Variants in PDCD10 observed in about 807,000 individuals in gnomAD.
PDCD10 encodes the protein programmed cell death 10, also known as programmed cell death protein 10.
Under a neutral mutation model 29.2 loss-of-function variants are expected in PDCD10, and 4 were observed. The ratio of observed to expected loss-of-function variants is 0.14; its 90% CI spans 0.07 to 0.31. PDCD10 has a LOEUF of 0.31. Among genes scored for constraint, PDCD10 ranks in the 10% least tolerant of loss-of-function variants. The pLI is 1.00. For synonymous variants in PDCD10, 70 were observed against 82.2 expected, an observed-to-expected ratio of 0.85 and a Z score of 0.80; for missense variants, 183 against 257.9, an observed-to-expected ratio of 0.71 and a Z score of 1.99.
At chr3:167,711,711 G>C (rs924555864) in intron 3 of PDCD10, among the ~76,000 whole-genome samples, 1 of 151,962 alleles carries the variant, frequency 6.6e-6, no homozygotes, top group Non-Finnish European at 1.5e-5. Context: ...AGACTGTGTC[G>C]AGGCATTTAA....
intron 8 of PDCD10, 123 bp from the exon 9 acceptor site, chr3:167,684,512 T>C (rs1719373235): frequency 3.1e-6 from 2 of 642,346 alleles, no homozygotes; most frequent in South Asian, 1.6e-5. Flanking sequence ...GTTAGTATTA[T>C]TAAAACTTTT....
intron 4 of PDCD10, among the ~76,000 whole-genome samples, chr3:167,702,204 C>G (rs565215612): frequency 2.0e-4 from 31 of 152,262 alleles, no homozygotes; most frequent in African/African-American, 7.5e-4. Context: ...GCCTGCCTCT[C>G]TTGCCTCCCC....
chr3:167,701,403 G>A (rs914787256), intron 4 of PDCD10, among the ~76,000 whole-genome samples: 3 of 152,086 alleles, frequency 2.0e-5, no homozygotes, highest in African/African-American at 7.2e-5. Flanking sequence ...TTCCTATGTT[G>A]CCTAGGCTGG....
intron 8 of PDCD10, among the ~76,000 whole-genome samples, chr3:167,685,582 CTGAA>C (rs1719534620): frequency 6.6e-6 from 1 of 151,950 alleles, no homozygotes; most frequent in African/African-American, 2.4e-5. Context: ...TAAAAAGCTG[CTGAA>C]TGGAGAGAAA....
intron 6 of PDCD10, among the ~76,000 whole-genome samples, chr3:167,692,178 GT>G (rs1217699048): frequency 2.6e-5 from 4 of 152,166 alleles, no homozygotes; most frequent in Non-Finnish European, 4.4e-5. Flanking sequence ...AAACAACTAA[GT>G]TTGGGATCAC....
At chr3:167,684,428 A>G (rs1275392009) in intron 8 of PDCD10, 39 bp from the exon 9 acceptor site, 1 of 1,206,008 alleles carries the variant, frequency 8.3e-7, no homozygotes, top group Non-Finnish European at 1.2e-6. Flanking sequence ...ATTTCATCCA[A>G]AAAATTCACC....
chr3:167,701,478 G>T lies in PDCD10; in HGVS notation c.150+3364C>A, dbSNP rs543174412. ...CAAAGTGCTAGGATTACAAGGCATG[G>T]GCCTCCGCACCTAGCCTTTATTATT... is the stretch of plus-strand genomic sequence containing the variant. On this transcript the variant is annotated intron_variant, in intron 4 of 8. Coordinates refer to ENST00000392750, the MANE Select transcript of PDCD10 (RefSeq NM_007217.4). Among the ~76,000 whole-genome samples, 36 of 152,236 alleles carry T rather than the reference G, an allele frequency of 2.4e-4. 1 individual carries two copies. In the South Asian group the frequency reaches 6.8e-3, roughly 29 times the overall value.
chr3:167,704,986 C>T, intron 3 of PDCD10, 91 bp from the exon 4 acceptor site: 1 of 722,420 alleles, frequency 1.4e-6, no homozygotes, highest in Non-Finnish European at 2.4e-6. Flanking sequence ...CACATGAACA[C>T]ATTAAACATT....
chr3:167,701,897 G>T (rs578092719), intron 4 of PDCD10, among the ~76,000 whole-genome samples: 37 of 151,950 alleles, frequency 2.4e-4, no homozygotes, highest in African/African-American at 9.0e-4. Context: ...TGTAGATATG[G>T]TTAAAAAAAA....
chr3:167,701,661 C>T (rs1721452073), intron 4 of PDCD10, among the ~76,000 whole-genome samples: 1 of 152,140 alleles, frequency 6.6e-6, no homozygotes, highest in South Asian at 2.1e-4. Context: ...ACCTTTAAAG[C>T]TCATTATACA....
intron 2 of PDCD10, among the ~76,000 whole-genome samples, chr3:167,729,249 G>GA (rs1186660193): frequency 1.3e-5 from 2 of 152,074 alleles, no homozygotes. Flanking sequence ...TCCAATGCTA[G>GA]AAAAAAACTG....
intron 2 of PDCD10, among the ~76,000 whole-genome samples, chr3:167,726,114 GTT>G (rs751342370): frequency 0.011 from 944 of 85,696 alleles, 1 homozygote; most frequent in African/African-American, 0.035. Context: ...GTAGAGTACT[GTT>G]TTTTTTTTTT....
At chr3:167,696,919 G>T (rs1720874624) in intron 5 of PDCD10, 90 bp downstream of exon 5, 1 of 792,986 alleles carries the variant, frequency 1.3e-6, no homozygotes. Flanking sequence ...AAACAGTAGG[G>T]AAGGAAGATC....
At chr3:167,722,375 C>T (rs1161170420) in intron 2 of PDCD10, among the ~76,000 whole-genome samples, 1 of 152,086 alleles carries the variant, frequency 6.6e-6, no homozygotes. Context: ...AGTCAGAAAA[C>T]ATACAACTGT....
intron 2 of PDCD10, among the ~76,000 whole-genome samples, chr3:167,725,910 T>A (rs1001255465): frequency 6.7e-6 from 1 of 149,758 alleles, no homozygotes; most frequent in African/African-American, 2.4e-5. Flanking sequence ...TCTGGTCCTG[T>A]CATTCATAAA....
chr3:167,730,129 G>T (rs1318131220), intron 2 of PDCD10, among the ~76,000 whole-genome samples: 5 of 151,984 alleles, frequency 3.3e-5, no homozygotes, highest in Non-Finnish European at 7.4e-5. Context: ...AGACAAAAAT[G>T]AACCATCAAA....
At chr3:167,701,397 T>C (rs1033583177) in intron 4 of PDCD10, among the ~76,000 whole-genome samples, 48 of 152,344 alleles carry the variant, frequency 3.2e-4, no homozygotes, top group African/African-American at 9.4e-4. Flanking sequence ...AAGGTCTTCC[T>C]ATGTTGCCTA....
chr3:167,721,465 G>A (rs910419756), intron 2 of PDCD10, among the ~76,000 whole-genome samples: 2 of 152,142 alleles, frequency 1.3e-5, no homozygotes, highest in South Asian at 2.1e-4. Flanking sequence ...CATGTTCAGA[G>A]TATGTTTAAC....
intron 3 of PDCD10, among the ~76,000 whole-genome samples, chr3:167,709,002 C>G (rs1334427035): frequency 6.6e-6 from 1 of 152,176 alleles, no homozygotes; most frequent in East Asian, 1.9e-4. Flanking sequence ...AAATAGCTTA[C>G]TAAGAAGAAG....
Sources: allele counts gnomAD v4.1 joint callset (sites outside exome capture counted in the v4.1 genomes callset), GRCh38; gene constraint gnomAD v4.1.1; transcripts MANE v1.5; gene names NCBI Gene and HGNC (gene_info 2026-07-23, HGNC 2026-07-21).